The following NFATC1 variants were observed in gnomAD, a reference collection of about 807,000 sequenced individuals.
The protein encoded by NFATC1 is nuclear factor of activated T-cells, cytoplasmic 1.
NFATC1 carries 22 observed loss-of-function variants against 76.0 expected under a neutral mutation model. That is an observed-to-expected ratio of 0.29 (90% CI 0.21 to 0.41). NFATC1 has a LOEUF of 0.41. Ranked by LOEUF, NFATC1 falls within the 10% of genes least tolerant of loss-of-function variation. NFATC1 has a pLI of 1.00. For missense variants in NFATC1, 1,357 were observed against 1,337.7 expected, an observed-to-expected ratio of 1.01 and a Z score of -0.23; for synonymous variants, 704 against 613.1, an observed-to-expected ratio of 1.15 and a Z score of -2.19.
intron 6 of NFATC1, 23 bp from the exon 7 acceptor site, chr18:79,461,288 C>G: frequency 7.4e-6 from 12 of 1,613,824 alleles, no homozygotes; most frequent in Non-Finnish European, 1.0e-5. Context: ...GAGTCACAGA[C>G]GTTTCCTGCT....
At chr18:79,510,554 A>G (rs2090219184) in intron 9 of NFATC1, among the ~76,000 whole-genome samples, 1 of 152,210 alleles carries the variant, frequency 6.6e-6, no homozygotes, top group African/African-American at 2.4e-5. Context: ...TCGGAGGAAC[A>G]GGGATGGGCC....
intron 9 of NFATC1, among the ~76,000 whole-genome samples, chr18:79,516,613 T>C (rs1025177813): frequency 2.6e-5 from 4 of 152,156 alleles, no homozygotes; most frequent in Admixed American, 2.6e-4. Flanking sequence ...GGAGGCTTCA[T>C]GTAGGAGGTT....
intron 9 of NFATC1, among the ~76,000 whole-genome samples, chr18:79,508,070 G>C (rs1173743804): frequency 1.3e-5 from 2 of 152,274 alleles, no homozygotes; most frequent in Non-Finnish European, 2.9e-5. Context: ...AACTCTTGTT[G>C]ACATTGTAAT....
intron 4 of NFATC1, 82 bp downstream of exon 4, chr18:79,449,066 C>T (rs1317372621): frequency 7.2e-7 from 1 of 1,387,590 alleles, no homozygotes; most frequent in South Asian, 1.3e-5. Flanking sequence ...GGGGTCTGGC[C>T]AGCCCCCCGC....
At position 79,396,280 on chromosome 18, in the gene NFATC1, C is replaced by A. The variant is rs868747018; in HGVS notation, c.56C>A (p.Ala19Glu). 5.4e-6 allele frequency: 8 copies of A among 1,470,608 alleles called. No individual in the cohort carries two copies. Among genetic ancestry groups the A allele is most frequent in the Non-Finnish European group, 6.4e-6 (7 of 1,101,484 alleles). The allele number at this position is 1,470,608 out of a possible 1,614,324, so 91.1% of individuals were successfully genotyped here. Residue 19 changes from alanine (A) to glutamate (E), a missense_variant, in exon 1 of 10, where the codon GCG becomes GAG. Coordinates refer to ENST00000427363, the MANE Select transcript of NFATC1 (RefSeq NM_001278669.2). Reference sequence around the variant, plus strand: ...AAGTTTCCACTTGGCCCTGCGGCTGCGGTCTTCGGGAGAGGAGAAACTTTG... The same window carrying A: ...AAGTTTCCACTTGGCCCTGCGGCTGAGGTCTTCGGGAGAGGAGAAACTTTG... ...PSKFPLGPAA[A>E]VFGRGETLGP... is the part of the protein sequence containing the mutation.
At chr18:79,509,288 C>T (rs1439521710) in intron 9 of NFATC1, among the ~76,000 whole-genome samples, 5 of 152,338 alleles carry the variant, frequency 3.3e-5, no homozygotes, top group East Asian at 3.9e-4. Flanking sequence ...AGATGTCCAC[C>T]GCGCCTGCCG....
chr18:79,424,304 CAAAACT>C (rs2086203006), intron 2 of NFATC1, among the ~76,000 whole-genome samples: 1 of 152,174 alleles, frequency 6.6e-6, no homozygotes. Flanking sequence ...CCTGGGCGGG[CAAAACT>C]TTCTCAGGGC....
At chr18:79,501,133 C>G (rs2090004395) in intron 9 of NFATC1, among the ~76,000 whole-genome samples, 1 of 152,116 alleles carries the variant, frequency 6.6e-6, no homozygotes, top group South Asian at 2.1e-4. Flanking sequence ...TACACCATGA[C>G]CAAGTGGGAT....
intron 3 of NFATC1, among the ~76,000 whole-genome samples, chr18:79,439,213 C>G (rs183067937): frequency 2.1e-3 from 323 of 152,314 alleles, no homozygotes; most frequent in African/African-American, 7.1e-3. Flanking sequence ...CTCCATGTCC[C>G]CTGCCAGGCA....
chr18:79,480,530 C>T (rs563332167), intron 8 of NFATC1, among the ~76,000 whole-genome samples: 1 of 152,294 alleles, frequency 6.6e-6, no homozygotes, highest in South Asian at 2.1e-4. Context: ...CTGTGCCCCT[C>T]GCCACCACCA....
intron 8 of NFATC1, among the ~76,000 whole-genome samples, chr18:79,484,886 G>C (rs2089449869): frequency 1.3e-5 from 2 of 152,242 alleles, no homozygotes; most frequent in Non-Finnish European, 2.9e-5. Flanking sequence ...GGCCGCACGT[G>C]GCACAGGTGC....
chr18:79,448,469 A>G, intron 3 of NFATC1: 1 of 404,738 alleles, frequency 2.5e-6, no homozygotes, highest in Non-Finnish European at 4.5e-6. Context: ...TGGCTCAGCG[A>G]GGGCTCCGCT....
Position 79,433,962 on chromosome 18 carries a change from T to C in NFATC1, c.1386+224T>C, listed in dbSNP as rs115965979. Among the ~76,000 whole-genome samples, 212 of 152,376 alleles carry C rather than the reference T, an allele frequency of 1.4e-3. 1 individual carries two copies. Among genetic ancestry groups the C allele is most frequent in the African/African-American group, 4.8e-3 (198 of 41,600 alleles). On this transcript the variant is annotated intron_variant, in intron 3 of 9. Transcript: ENST00000427363. ...GGCCCTCTCTCGTTGTTTTCAGATTTGCCCGAAGCAGCTCTCGTATCCGTG... is the reference window on the plus strand; with the variant it reads ...GGCCCTCTCTCGTTGTTTTCAGATTCGCCCGAAGCAGCTCTCGTATCCGTG...
chr18:79,506,268 A>G (rs894740246), intron 9 of NFATC1, among the ~76,000 whole-genome samples: 1 of 152,186 alleles, frequency 6.6e-6, no homozygotes, highest in Non-Finnish European at 1.5e-5. Flanking sequence ...TCGGCCGAGC[A>G]GCGGCTGTGG....
intron 2 of NFATC1, among the ~76,000 whole-genome samples, chr18:79,418,239 G>A (rs888247574): frequency 2.6e-5 from 4 of 152,144 alleles, no homozygotes; most frequent in Non-Finnish European, 4.4e-5. Flanking sequence ...GCCTTGCGAC[G>A]CTCTGTGGTA....
intron 3 of NFATC1, among the ~76,000 whole-genome samples, chr18:79,438,727 C>T (rs567098054): frequency 2.6e-5 from 4 of 152,214 alleles, no homozygotes; most frequent in Non-Finnish European, 4.4e-5. Flanking sequence ...GAGGGGCGGG[C>T]GGGTCAGGCG....
At chr18:79,414,319 C>G (rs926249554) in intron 2 of NFATC1, among the ~76,000 whole-genome samples, 21 of 152,174 alleles carry the variant, frequency 1.4e-4, no homozygotes, top group Non-Finnish European at 2.8e-4. Flanking sequence ...GCACGACATG[C>G]CCATCTTCTC....
chr18:79,484,998 C>G (rs578012625), intron 8 of NFATC1, among the ~76,000 whole-genome samples: 1 of 152,246 alleles, frequency 6.6e-6, no homozygotes, highest in Non-Finnish European at 1.5e-5. Flanking sequence ...CATGGACTCA[C>G]GGGCTCAAGC....
chr18:79,493,043 C>T (rs1462709895), intron 9 of NFATC1, among the ~76,000 whole-genome samples: 2 of 151,972 alleles, frequency 1.3e-5, no homozygotes, highest in Admixed American at 6.6e-5. Flanking sequence ...TTGGGCTTTC[C>T]CCTCAGACTT....
Sources: allele counts gnomAD v4.1 joint callset (sites outside exome capture counted in the v4.1 genomes callset), GRCh38; gene constraint gnomAD v4.1.1; transcripts MANE v1.5; gene names NCBI Gene and HGNC (gene_info 2026-07-23, HGNC 2026-07-21).